The following WNT3 variants were observed in gnomAD, a reference collection of about 807,000 sequenced individuals.
WNT3 encodes Wnt family member 3.
Under a neutral mutation model 34.2 loss-of-function variants are expected in WNT3, and 7 were observed. That is an observed-to-expected ratio of 0.20 (90% CI 0.12 to 0.38). The LOEUF is 0.38. WNT3 is among the 10% of genes least tolerant of loss of function. The pLI, the probability that WNT3 is intolerant of heterozygous loss-of-function variation, is 1.00. For missense variants in WNT3, 267 were observed against 499.8 expected, an observed-to-expected ratio of 0.53 and a Z score of 4.44; for synonymous variants, 212 against 211.5, an observed-to-expected ratio of 1.00 and a Z score of -0.02.
chr17:46,768,479 G>A lies in WNT3; in HGVS notation c.909C>T (p.Thr303=), dbSNP rs921604633. ...GATCGCAGCCATCGATGCCGTGGGA[G>A]GTGACATTGCAAGTCCGGTCCCTTG... ...FGTRDRTCNV[T]SHGIDGCDLL... Residue 303 remains threonine, a synonymous_variant, in exon 4 of 5, where the codon ACC becomes ACT. Coordinates refer to ENST00000225512, the MANE Select transcript of WNT3 (RefSeq NM_030753.5). This position sits in a 1 kb window ranked among gnomAD's most constrained non-coding sequence, Gnocchi z 5.0. The A allele has an allele frequency of 3.7e-6, 6 of 1,614,080 alleles. No individual in the cohort carries two copies. Among genetic ancestry groups the A allele is most frequent in the African/African-American group, 1.3e-5 (1 of 74,944 alleles).
chr17:46,768,039 C>T lies in WNT3; in HGVS notation c.*8+273G>A, dbSNP rs1328907565. The stretch of plus-strand genomic sequence containing the variant: ...CTGACCTCAGGTGATCCGTCCACCT[C>T]GGCCTCCCAAAGTGCTGGGATTACA... On this transcript the variant is annotated intron_variant, in intron 4 of 4. Transcript: ENST00000225512. The surrounding 1 kb of genome is among the most constrained non-coding windows in gnomAD (Gnocchi z 5.0). Among the ~76,000 whole-genome samples, 5 of 152,198 alleles carry T rather than the reference C, an allele frequency of 3.3e-5. No individual in the cohort carries two copies. In the East Asian group the frequency reaches 7.7e-4, roughly 23 times the overall value.
In WNT3 at chr17:46,769,722, G is replaced by A; in HGVS notation, c.588+61C>T. ...AAGGGGTGAGGTGGGGGCCAGGGCA[G>A]CTCCGGAGGGGAAGCGGGGGGCTGC... is the stretch of plus-strand genomic sequence containing the variant. On this transcript the variant is annotated intron_variant, in intron 3 of 4. Transcript: ENST00000225512. 3 of 1,594,770 alleles carry A rather than the reference G, an allele frequency of 1.9e-6. No individual in the cohort carries two copies. The South Asian group carries it at 3.3e-5, about 18-fold the overall frequency.
chr17:46,818,373 C>G (rs1237254394), intron 1 of WNT3, 145 bp downstream of exon 1: 4 of 645,338 alleles, frequency 6.2e-6, no homozygotes, highest in African/African-American at 4.8e-5. Flanking sequence ...AGCAGAAAAT[C>G]CAGGAGGGGT....
chr17:46,774,004 G>A, intron 1 of WNT3, 95 bp from the exon 2 acceptor site: 1 of 1,515,872 alleles, frequency 6.6e-7, no homozygotes, highest in Non-Finnish European at 8.9e-7. Flanking sequence ...GGGGTAGGTG[G>A]AGAGGCAGAG....
rs774368686 is a variant in WNT3, at chr17:46,768,307, C to T, written c.*8+5G>A. Reference sequence around the variant, plus strand: ...CAGCCTCCCCCCTGCTTCCCGGAGCCCTACCTGGTGCCCTACTTGCAGGTG... The same window carrying T: ...CAGCCTCCCCCCTGCTTCCCGGAGCTCTACCTGGTGCCCTACTTGCAGGTG... On this transcript the variant is annotated splice_donor_5th_base_variant and intron_variant, in intron 4 of 4. Transcript: ENST00000225512. This position sits in a 1 kb window ranked among gnomAD's most constrained non-coding sequence, Gnocchi z 5.0. 1.9e-6 allele frequency: 3 copies of T among 1,613,304 alleles called. No individual in the cohort carries two copies. In the South Asian group the frequency reaches 3.3e-5, roughly 18 times the overall value.
intron 1 of WNT3, among the ~76,000 whole-genome samples, chr17:46,798,919 G>A (rs546757324): frequency 1.3e-5 from 2 of 152,000 alleles, no homozygotes; most frequent in Admixed American, 6.6e-5. Flanking sequence ...ATGGTGGTGC[G>A]TGCCTGTAGT....
intron 4 of WNT3, among the ~76,000 whole-genome samples, chr17:46,766,368 C>T (rs2059313245): frequency 6.6e-6 from 1 of 151,504 alleles, no homozygotes. Flanking sequence ...AGATTGCGCA[C>T]TTCACTCCAG....
At chr17:46,771,723 G>C (rs2059373087) in intron 2 of WNT3, among the ~76,000 whole-genome samples, 1 of 141,586 alleles carries the variant, frequency 7.1e-6, no homozygotes. Flanking sequence ...CCCCGGCGCC[G>C]GGCCGCGAAA....
At chr17:46,797,799 C>T (rs1052429781) in intron 1 of WNT3, among the ~76,000 whole-genome samples, 2 of 152,190 alleles carry the variant, frequency 1.3e-5, no homozygotes, top group Admixed American at 1.3e-4. Flanking sequence ...CAGTTTGAAA[C>T]TTAGAAACAC....
chr17:46,774,837 A>G (rs899267469), intron 1 of WNT3, among the ~76,000 whole-genome samples: 2 of 152,200 alleles, frequency 1.3e-5, no homozygotes, highest in East Asian at 1.9e-4. Context: ...CAGAAATGAC[A>G]TTTTCTGGGA....
rs754656610 is a variant in WNT3, at chr17:46,768,466, C to G, written c.922G>C (p.Asp308His). The G allele has an allele frequency of 6.2e-7, 1 of 1,614,172 alleles. No individual in the cohort carries two copies. The highest frequency in any genetic ancestry group is 1.1e-5 in the South Asian group (1 of 91,088). The stretch of plus-strand genomic sequence containing the variant: ...CCACAGCAGAGCAGATCGCAGCCAT[C>G]GATGCCGTGGGAGGTGACATTGCAA... ...RTCNVTSHGI[D>H]GCDLLCCGRG... Residue 308 changes from aspartate to histidine, a missense_variant, in exon 4 of 5, where the codon GAT (aspartate) becomes CAT (histidine). By Grantham distance (81) the Asp-to-His change is moderately conservative. Transcript: ENST00000225512. The surrounding 1 kb of genome is among the most constrained non-coding windows in gnomAD (Gnocchi z 5.0).
At chr17:46,789,524 C>T (rs149233821) in intron 1 of WNT3, among the ~76,000 whole-genome samples, 1 of 152,304 alleles carries the variant, frequency 6.6e-6, no homozygotes, top group East Asian at 1.9e-4. Context: ...CAGGAAGGCC[C>T]CAACCTTCCC....
chr17:46,769,244 A>T (rs1415249869), intron 3 of WNT3, among the ~76,000 whole-genome samples: 2 of 147,946 alleles, frequency 1.4e-5, no homozygotes, highest in East Asian at 4.0e-4. Flanking sequence ...TGAACTCGGG[A>T]GGCGGAGGTT....
chr17:46,790,722 C>T (rs1387011608), intron 1 of WNT3, among the ~76,000 whole-genome samples: 1 of 152,206 alleles, frequency 6.6e-6, no homozygotes, highest in African/African-American at 2.4e-5. Flanking sequence ...TCCATGTTCA[C>T]GGCCACAGAA....
intron 4 of WNT3, among the ~76,000 whole-genome samples, chr17:46,766,711 G>A (rs1046291879): frequency 6.6e-6 from 1 of 152,138 alleles, no homozygotes; most frequent in African/African-American, 2.4e-5. Context: ...CCATATCTCA[G>A]AGAGGCCCGT....
At chr17:46,787,544 C>T (rs1490527486) in intron 1 of WNT3, among the ~76,000 whole-genome samples, 1 of 152,212 alleles carries the variant, frequency 6.6e-6, no homozygotes, top group Non-Finnish European at 1.5e-5. Context: ...CTGCTGACTC[C>T]CAGCCAGAGC....
intron 1 of WNT3, among the ~76,000 whole-genome samples, chr17:46,776,378 T>C (rs1367141075): frequency 6.6e-6 from 1 of 152,236 alleles, no homozygotes; most frequent in Non-Finnish European, 1.5e-5. Context: ...ATAATCCCTG[T>C]GGTTTATTAT....
At chr17:46,767,113 C>A (rs1399309354) in intron 4 of WNT3, among the ~76,000 whole-genome samples, 1 of 152,094 alleles carries the variant, frequency 6.6e-6, no homozygotes, top group Non-Finnish European at 1.5e-5. Flanking sequence ...AGCCTTAAAA[C>A]CTTCCACCCC....
chr17:46,797,702 C>T lies in WNT3; in HGVS notation c.80+20816G>A, dbSNP rs118173956. On this transcript the variant is annotated intron_variant, in intron 1 of 4. Transcript: ENST00000225512. Reference sequence around the variant, plus strand: ...GCACAGCGAGATGCACATCCATGGCCAGGAGACAAAATAGATAAACTGTAT... The same window carrying T: ...GCACAGCGAGATGCACATCCATGGCTAGGAGACAAAATAGATAAACTGTAT... Among the ~76,000 whole-genome samples, 324 of 152,194 alleles carry T rather than the reference C, an allele frequency of 2.1e-3. 4 individuals carry two copies. The East Asian group carries it at 0.028, about 13-fold the overall frequency.
Sources: gnomAD v4.1 joint callset for allele counts (sites outside exome capture counted in the v4.1 genomes callset) on GRCh38, gnomAD v4.1.1 for gene constraint, Gnocchi (gnomAD v3.1) non-coding constraint, MANE v1.5 for transcripts, NCBI Gene and HGNC (gene_info 2026-07-23, HGNC 2026-07-21) for gene names.